The following MIA2 variants were observed in gnomAD, a reference collection of about 807,000 sequenced individuals.
MIA2 encodes melanoma inhibitory activity protein 2.
MIA2 carries 127 observed loss-of-function variants against 167.8 expected under a neutral mutation model. The ratio of observed to expected loss-of-function variants is 0.76; its 90% confidence interval spans 0.66 to 0.88. The LOEUF (loss-of-function observed/expected upper bound fraction) is 0.88, where lower values mean the gene tolerates loss of function less well. MIA2 is among the 40% of genes least tolerant of loss of function. The probability of loss-of-function intolerance (pLI) is 0.00; values close to 1 mark genes in which losing one functional copy is unlikely to be tolerated. For missense variants in MIA2, 1,690 were observed against 1,624.7 expected, an observed-to-expected ratio of 1.04 and a Z score of -0.69; for synonymous variants, 552 against 541.9, an observed-to-expected ratio of 1.02 and a Z score of -0.26.
At chr14:39,245,541 T>TA (rs2054261684) in intron 3 of MIA2, among the ~76,000 whole-genome samples, 1 of 152,188 alleles carries the variant, frequency 6.6e-6, no homozygotes, top group South Asian at 2.1e-4. Context: ...TATAACCATA[T>TA]GCTGTGAAAT....
chr14:39,271,825 C>T (rs1044255962), intron 6 of MIA2, among the ~76,000 whole-genome samples: 2 of 151,824 alleles, frequency 1.3e-5, no homozygotes, highest in Admixed American at 1.3e-4. Context: ...AAGAATTAGG[C>T]ATGCGGACCC....
intron 23 of MIA2, among the ~76,000 whole-genome samples, chr14:39,369,259 G>A (rs1237072045): frequency 6.6e-6 from 1 of 152,126 alleles, no homozygotes; most frequent in Non-Finnish European, 1.5e-5. Flanking sequence ...TTCAGATGCC[G>A]GAAAGAGATC....
In MIA2 at chr14:39,234,153, T is replaced by C. The variant is rs2053628168; in HGVS notation, c.39T>C (p.Ala13=). Residue 13 remains alanine (A), a synonymous_variant, in exon 1 of 29, where the codon GCT becomes GCC. Transcript: ENST00000640607. The stretch of plus-strand genomic sequence containing the variant: ...GCGTTCACAGAATCCTTCTTCTGGC[T>C]ATTTCTCTGACAAAGTGTCTGGAGA... ...KFGVHRILLL[A]ISLTKCLEST... 1 of 1,609,576 alleles carries C rather than the reference T, an allele frequency of 6.2e-7. No individual in the cohort carries two copies. The highest frequency in any genetic ancestry group is 8.5e-7 in the Non-Finnish European group (1 of 1,178,302).
chr14:39,383,665 T>G (rs1158989186), intron 23 of MIA2, among the ~76,000 whole-genome samples: 1 of 152,244 alleles, frequency 6.6e-6, no homozygotes, highest in Non-Finnish European at 1.5e-5. Context: ...GGAGAAGTTC[T>G]TGAAGGAAAG....
chr14:39,263,673 C>T (rs1262029975), intron 6 of MIA2, among the ~76,000 whole-genome samples: 2 of 147,932 alleles, frequency 1.4e-5, no homozygotes, highest in South Asian at 2.1e-4. Context: ...ACTCAGTCAC[C>T]GAGGCTGGAG....
At position 39,237,048 on chromosome 14, in the gene MIA2, C is replaced by T. The variant is rs2053777341; in HGVS notation, c.242C>T (p.Ala81Val). The change falls in exon 2 of 29, where the codon GCA becomes GTA. Residue 81 changes from alanine (A) to valine (V), a missense_variant. Transcript: ENST00000640607. ...GCAGGAGAAAGGGAAGATTTGTGGG[C>T]AGGAAGTGTAAGTAACTACTTTTAA... The part of the protein sequence containing the change: ...KLAGEREDLW[A>V]GSKGKEFGYF... 1 of 1,613,332 alleles carries T rather than the reference C, an allele frequency of 6.2e-7. No homozygotes were observed. The highest frequency in any genetic ancestry group is 8.5e-7 in the Non-Finnish European group (1 of 1,179,788).
intron 6 of MIA2, chr14:39,269,074 G>GTTTTTTTTTTT (rs3065036): frequency 0.011 from 6,291 of 582,410 alleles, 888 homozygotes; most frequent in Non-Finnish European, 0.012. Flanking sequence ...CACCTGCACA[G>GTTTTTTTTTTT]TTTTTTTTTT....
In MIA2 at chr14:39,299,068, TAAAAAAAAAAAA is replaced by T. The variant is rs3065043; in HGVS notation, c.2497-778_2497-767del. Among the ~76,000 whole-genome samples, 4 of 44,026 alleles carry T rather than the reference TAAAAAAAAAAAA, an allele frequency of 9.1e-5. No individual in the cohort carries two copies. The East Asian group carries it at 2.9e-3, about 32-fold the overall frequency. The allele number at this position is 44,026 out of a possible 152,430, so 28.9% of individuals were successfully genotyped here. ...GACAGAATGAGACCCTCCCTGCCTCTAAAAAAAAAAAAAAAAAAAAAAAAAAAAAGAAATAAT... is the reference window on the plus strand; with the variant it reads ...GACAGAATGAGACCCTCCCTGCCTCTAAAAAAAAAAAAAAAAAGAAATAAT... On this transcript the variant is annotated intron_variant, in intron 13 of 28. Transcript: ENST00000640607.
At position 39,326,881 on chromosome 14, in the gene MIA2, A is replaced by G; in HGVS notation, c.3514A>G (p.Asn1172Asp). 1 of 1,576,746 alleles carries G rather than the reference A, an allele frequency of 6.3e-7. No homozygotes were observed. The highest frequency in any genetic ancestry group is 8.6e-7 in the Non-Finnish European group (1 of 1,165,938). Residue 1172 changes from asparagine (N) to aspartate (D), a missense_variant, in exon 25 of 29, where the codon AAT (asparagine) becomes GAT (aspartate). By Grantham distance (23) the Asn-to-Asp change is conservative. Transcript: ENST00000640607. ...GGGRGSRGPG[N>D]PLDHQITNER... ...TTAATTAGGCTCACGAGGCCCAGGG[A>G]ATCCTCTGGACCATCAGATTACCAA... is the stretch of plus-strand genomic sequence containing the variant.
rs1447959469 is a variant in MIA2, at chr14:39,347,769, G to C, written c.3835G>C (p.Gly1279Arg). The change falls in exon 27 of 29, where the codon GGT becomes CGT. Residue 1279 changes from glycine (G) to arginine (R), a missense_variant and splice_region_variant. By Grantham distance (125) the Gly-to-Arg change is moderately radical. Coordinates refer to ENST00000640607, the MANE Select transcript of MIA2 (RefSeq NM_001329214.4). ...SSRNDTKDDL[G>R]NLNVPDSSLP... ...TAGAAATGATACCAAAGATGATCTT[G>C]GTGTAAGTATTGAAAGAGTGGAATT... 1 of 1,605,636 alleles carries C rather than the reference G, an allele frequency of 6.2e-7. No homozygotes were observed. The highest frequency in any genetic ancestry group is 8.5e-7 in the Non-Finnish European group (1 of 1,175,696).
chr14:39,366,876 G>T (rs529372278), intron 23 of MIA2, among the ~76,000 whole-genome samples: 15 of 152,312 alleles, frequency 9.8e-5, no homozygotes, highest in African/African-American at 3.4e-4. Context: ...AGGCTCTAGG[G>T]AGGACAAACT....
chr14:39,380,691 CAAAA>C (rs145179098), intron 23 of MIA2, among the ~76,000 whole-genome samples: 10 of 85,012 alleles, frequency 1.2e-4, no homozygotes, highest in East Asian at 3.3e-4. Flanking sequence ...GACTCAGACT[CAAAA>C]AAAAAAAAAA....
In MIA2 at chr14:39,240,563, A is replaced by G. The variant is rs1175271380; in HGVS notation, c.252A>G (p.Lys84=). Residue 84 remains lysine, a splice_region_variant and synonymous_variant, in exon 3 of 29, where the codon AAA becomes AAG. Transcript: ENST00000640607. ...GEREDLWAGS[K]GKEFGYFPRD... ...ATCTTTGTTCTTCATTTTGACAGAAAGGAAAGGAGTTTGGATATTTTCCCA... is the reference window on the plus strand; with the variant it reads ...ATCTTTGTTCTTCATTTTGACAGAAGGGAAAGGAGTTTGGATATTTTCCCA... The G allele has an allele frequency of 6.2e-7, 1 of 1,607,916 alleles. No homozygotes were observed.
intron 18 of MIA2, among the ~76,000 whole-genome samples, chr14:39,309,510 G>GT (rs2063867673): frequency 6.6e-6 from 1 of 152,136 alleles, no homozygotes; most frequent in Admixed American, 6.6e-5. Context: ...CTGGAATGAT[G>GT]TTTCCTTATA....
At chr14:39,365,863 T>A (rs955332158) in intron 23 of MIA2, among the ~76,000 whole-genome samples, 1 of 152,352 alleles carries the variant, frequency 6.6e-6, no homozygotes, top group Middle Eastern at 3.4e-3. Flanking sequence ...TTATTTTGTT[T>A]CTCTGGCTGT....
chr14:39,351,839 C>G (rs1162012103), downstream of MIA2, among the ~76,000 whole-genome samples: 1 of 152,156 alleles, frequency 6.6e-6, no homozygotes, highest in Non-Finnish European at 1.5e-5. Flanking sequence ...AATCTCCTGA[C>G]CTCATGATCT....
intron 24 of MIA2, among the ~76,000 whole-genome samples, chr14:39,326,348 C>G (rs1595653250): frequency 6.6e-6 from 1 of 152,068 alleles, no homozygotes; most frequent in East Asian, 1.9e-4. Context: ...TTTATCTTCT[C>G]ATTGACTCGT....
At chr14:39,372,988 T>G (rs1239409861) in intron 23 of MIA2, among the ~76,000 whole-genome samples, 1 of 152,078 alleles carries the variant, frequency 6.6e-6, no homozygotes, top group East Asian at 1.9e-4. Flanking sequence ...GGATTGGGTT[T>G]AGAGATGGAA....
chr14:39,335,135 T>G lies in MIA2; in HGVS notation c.3655+8113T>G, dbSNP rs138635132. On this transcript the variant is annotated intron_variant, in intron 25 of 28. Coordinates refer to ENST00000640607, the MANE Select transcript of MIA2 (RefSeq NM_001329214.4). ...TTCTGTAAAACAGAGATGGTGATAT[T>G]CTAAAGTAATCTGCCTCTCTTTTAT... Among the ~76,000 whole-genome samples the G allele has an allele frequency of 1.2e-3, 184 of 152,258 alleles. 2 individuals carry two copies. Among genetic ancestry groups the G allele is most frequent in the African/African-American group, 4.3e-3 (177 of 41,584 alleles).
Sources: gnomAD v4.1 joint callset for allele counts (sites outside exome capture counted in the v4.1 genomes callset) on GRCh38, gnomAD v4.1.1 for gene constraint, MANE v1.5 for transcripts, NCBI Gene and HGNC (gene_info 2026-07-23, HGNC 2026-07-21) for gene names.